SCHIP1: variants seen among roughly 807,000 people sequenced by gnomAD.
The protein encoded by SCHIP1 is schwannomin-interacting protein 1.
Under a neutral mutation model 29.7 loss-of-function variants are expected in SCHIP1, and 8 were observed. The observed-to-expected ratio is 0.27, with a 90% CI of 0.16 to 0.49. The LOEUF (loss-of-function observed/expected upper bound fraction) is 0.49, where lower values mean the gene tolerates loss of function less well. Among genes scored for constraint, SCHIP1 ranks in the 20% least tolerant of loss-of-function variants. The pLI is 0.99. For missense variants in SCHIP1, 193 were observed against 294.6 expected (o/e 0.66, Z 2.52); for synonymous variants, 76 against 94.9 (o/e 0.80, Z 1.16).
chr3:159,418,819 A>G, the SCHIP1 span, among the ~76,000 whole-genome samples: 1 of 151,996 alleles, frequency 6.6e-6, no homozygotes, highest in Non-Finnish European at 1.5e-5. Flanking sequence ...CAGAATCAGT[A>G]ACCACCAAAC....
At chr3:159,332,787 C>T in the SCHIP1 span, among the ~76,000 whole-genome samples, 4 of 152,136 alleles carry the variant, frequency 2.6e-5, no homozygotes, top group African/African-American at 7.2e-5. Context: ...CAGGGTGAAG[C>T]AATTTGGAAA....
the SCHIP1 span, among the ~76,000 whole-genome samples, chr3:159,280,382 G>A: frequency 6.6e-6 from 1 of 152,134 alleles, no homozygotes; most frequent in Non-Finnish European, 1.5e-5. Flanking sequence ...TGCTAGCTGA[G>A]CTTTTCAGGT....
the SCHIP1 span, among the ~76,000 whole-genome samples, chr3:159,308,956 G>A: frequency 3.8e-4 from 58 of 152,116 alleles, no homozygotes; most frequent in African/African-American, 1.3e-3. Context: ...TAAATGGGAG[G>A]TAAACATTGA....
chr3:159,312,312 A>G, the SCHIP1 span, among the ~76,000 whole-genome samples: 2 of 152,178 alleles, frequency 1.3e-5, no homozygotes, highest in African/African-American at 2.4e-5. Flanking sequence ...TTGGTGAGAA[A>G]GTGGTGATCT....
At chr3:159,493,956 A>G in the SCHIP1 span, among the ~76,000 whole-genome samples, 1 of 152,002 alleles carries the variant, frequency 6.6e-6, no homozygotes, top group African/African-American at 2.4e-5. Flanking sequence ...ACTCACTCAA[A>G]ACCGCTCAAC....
the SCHIP1 span, among the ~76,000 whole-genome samples, chr3:159,645,002 AGCT>A: frequency 1.3e-5 from 2 of 152,174 alleles, no homozygotes; most frequent in Admixed American, 1.3e-4. Flanking sequence ...CCTGAAACAC[AGCT>A]ATACAAGCAT....
At chr3:159,497,455 C>T in the SCHIP1 span, among the ~76,000 whole-genome samples, 1 of 151,914 alleles carries the variant, frequency 6.6e-6, no homozygotes, top group Non-Finnish European at 1.5e-5. Context: ...GACCATCTCA[C>T]TTAATCTTCA....
the SCHIP1 span, among the ~76,000 whole-genome samples, chr3:159,373,711 C>T: frequency 6.6e-6 from 1 of 152,066 alleles, no homozygotes; most frequent in South Asian, 2.1e-4. Flanking sequence ...TCTCCAATTC[C>T]ATCCATGTTG....
the SCHIP1 span, among the ~76,000 whole-genome samples, chr3:159,423,301 A>G: frequency 3.3e-5 from 5 of 152,330 alleles, no homozygotes; most frequent in East Asian, 1.9e-4. Flanking sequence ...TCCCTTTCCT[A>G]GTCAAAGAAA....
the SCHIP1 span, among the ~76,000 whole-genome samples, chr3:159,593,307 G>A: frequency 6.6e-6 from 1 of 152,144 alleles, no homozygotes; most frequent in Non-Finnish European, 1.5e-5. Flanking sequence ...AGGAGCCTCA[G>A]AGAAGCACCC....
chr3:159,680,691 A>ATGTATATG, the SCHIP1 span, among the ~76,000 whole-genome samples: 1 of 57,742 alleles, frequency 1.7e-5, no homozygotes, highest in Admixed American at 3.5e-4. Context: ...ATATATGTAT[A>ATGTATATG]TATATAATAT....
chr3:159,516,208 C>G, the SCHIP1 span, among the ~76,000 whole-genome samples: 1 of 152,156 alleles, frequency 6.6e-6, no homozygotes, highest in African/African-American at 2.4e-5. Flanking sequence ...CAAATCTTCA[C>G]CTGACCAGGG....
the SCHIP1 span, among the ~76,000 whole-genome samples, chr3:159,487,443 C>A: frequency 2.6e-4 from 39 of 152,190 alleles, no homozygotes; most frequent in Non-Finnish European, 5.0e-4. Context: ...TGACAAGACA[C>A]CCTGCCAGGC....
chr3:159,585,131 T>A, the SCHIP1 span, among the ~76,000 whole-genome samples: 2 of 152,074 alleles, frequency 1.3e-5, no homozygotes, highest in South Asian at 2.1e-4. Flanking sequence ...TTCTAAAACA[T>A]GTCACCTCCT....
chr3:159,431,343 G>C, the SCHIP1 span, among the ~76,000 whole-genome samples: 1 of 151,522 alleles, frequency 6.6e-6, no homozygotes, highest in Non-Finnish European at 1.5e-5. Flanking sequence ...GGGAGTAGAG[G>C]TAGCTGAGAC....
At chr3:159,609,217 G>A in the SCHIP1 span, among the ~76,000 whole-genome samples, 52 of 152,220 alleles carry the variant, frequency 3.4e-4, no homozygotes, top group African/African-American at 1.0e-3. Context: ...TATTCTAGTC[G>A]ATCCTTTAGC....
the SCHIP1 span, among the ~76,000 whole-genome samples, chr3:159,679,281 T>C: frequency 3.3e-5 from 5 of 152,150 alleles, no homozygotes; most frequent in Non-Finnish European, 7.4e-5. Context: ...ATACAGCTAC[T>C]ACCATGTTCA....
the SCHIP1 span, among the ~76,000 whole-genome samples, chr3:159,629,654 A>C: frequency 5.3e-5 from 8 of 152,240 alleles, no homozygotes; most frequent in Non-Finnish European, 1.0e-4. Flanking sequence ...AAGTGGGCTC[A>C]ATTCCACCTC....
the SCHIP1 span, among the ~76,000 whole-genome samples, chr3:159,629,268 G>A: frequency 1.3e-4 from 20 of 151,868 alleles, 1 homozygote; most frequent in Admixed American, 1.3e-3. Context: ...AACAGAAAGA[G>A]ACCCTGTCTA....
Sources: allele counts gnomAD v4.1 joint callset (sites outside exome capture counted in the v4.1 genomes callset), GRCh38; gene constraint gnomAD v4.1.1; transcripts MANE v1.5; gene names NCBI Gene and HGNC (gene_info 2026-07-23, HGNC 2026-07-21).